NIPBL: variants seen among roughly 807,000 people sequenced by gnomAD.
NIPBL encodes NIPBL cohesin loading factor.
NIPBL carries 19 observed loss-of-function variants against 321.8 expected under a neutral mutation model. The observed-to-expected ratio is 0.06, with a 90% CI of 0.04 to 0.09. The LOEUF is 0.09. Ranked by LOEUF, NIPBL falls within the 10% of genes least tolerant of loss-of-function variation. The pLI is 1.00. For missense variants in NIPBL, 2,210 were observed against 3,327.0 expected (o/e 0.66, Z 8.26); for synonymous variants, 1,106 against 1,114.1 (o/e 0.99, Z 0.14).
chr5:36,950,740 A>G (rs1335148574), intron 1 of NIPBL, among the ~76,000 whole-genome samples: 6 of 152,254 alleles, frequency 3.9e-5, no homozygotes, highest in Middle Eastern at 3.4e-3. Flanking sequence ...GAAAAACAAT[A>G]TACTTTCACA....
chr5:36,999,718 A>C (rs1186046303), intron 11 of NIPBL, among the ~76,000 whole-genome samples: 3 of 151,522 alleles, frequency 2.0e-5, no homozygotes, highest in African/African-American at 7.4e-5. Flanking sequence ...TGAAGCGTGC[A>C]TAAGCTTAGA....
At chr5:36,917,763 C>T (rs1343365475) in intron 1 of NIPBL, among the ~76,000 whole-genome samples, 2 of 152,162 alleles carry the variant, frequency 1.3e-5, no homozygotes, top group Non-Finnish European at 2.9e-5. Context: ...TTTCCCAGCA[C>T]CATTTATTAA....
At chr5:36,886,290 G>A in intron 1 of NIPBL, 2 of 675,066 alleles carry the variant, frequency 3.0e-6, no homozygotes, top group Non-Finnish European at 5.4e-6. Context: ...AGGCCCAGGA[G>A]TACGAGACCA....
chr5:37,010,502 G>T (rs899991314), intron 21 of NIPBL, among the ~76,000 whole-genome samples: 8 of 152,084 alleles, frequency 5.3e-5, no homozygotes, highest in Non-Finnish European at 2.9e-5. Flanking sequence ...TTTTAGTAGA[G>T]ACGGGTTTTC....
At chr5:37,003,219 CTT>C in intron 15 of NIPBL, 40 bp from the exon 16 acceptor site, 1 of 1,153,430 alleles carries the variant, frequency 8.7e-7, no homozygotes, top group East Asian at 2.3e-5. Flanking sequence ...TAATATATAA[CTT>C]TTACCAACGA....
intron 42 of NIPBL, among the ~76,000 whole-genome samples, chr5:37,054,198 A>G (rs1753856531): frequency 6.6e-6 from 1 of 150,638 alleles, no homozygotes; most frequent in Non-Finnish European, 1.5e-5. Context: ...TCCGTCTCAA[A>G]AAAAAAAAAA....
At chr5:37,053,796 T>G (rs1288027433) in intron 42 of NIPBL, among the ~76,000 whole-genome samples, 3 of 152,252 alleles carry the variant, frequency 2.0e-5, no homozygotes, top group South Asian at 2.1e-4. Context: ...GCATCTGCTA[T>G]GTACCAGCCA....
chr5:36,876,789 G>A lies in NIPBL; in HGVS notation c.-469G>A. ...TCGGCATTTTGTTCTGAGAGGGAGAGACGGAACGAGAGAGAGACACACACA... is the reference window on the plus strand; with the variant it reads ...TCGGCATTTTGTTCTGAGAGGGAGAAACGGAACGAGAGAGAGACACACACA... On this transcript the variant is annotated 5_prime_UTR_variant, in exon 1 of 47. Coordinates refer to ENST00000282516, the MANE Select transcript of NIPBL (RefSeq NM_133433.4). 2.5e-6 allele frequency: 1 copy of A among 397,550 alleles called. No homozygotes were observed. 24.6% of individuals were successfully genotyped at this position (397,550 alleles called of 1,614,324 possible).
chr5:36,918,408 C>T (rs1252905349), intron 1 of NIPBL, among the ~76,000 whole-genome samples: 1 of 152,056 alleles, frequency 6.6e-6, no homozygotes, highest in African/African-American at 2.4e-5. Flanking sequence ...TGTTTATCAG[C>T]CTAAGGAGAT....
chr5:36,994,539 A>G (rs1363505782), intron 10 of NIPBL, among the ~76,000 whole-genome samples: 1 of 152,088 alleles, frequency 6.6e-6, no homozygotes, highest in Non-Finnish European at 1.5e-5. Context: ...GTTATAAAGG[A>G]TAGTGTTAAT....
chr5:37,046,783 G>T (rs909604601), intron 38 of NIPBL, among the ~76,000 whole-genome samples: 1 of 152,106 alleles, frequency 6.6e-6, no homozygotes, highest in Non-Finnish European at 1.5e-5. Flanking sequence ...TATCTAGGAA[G>T]GAATTAGAAT....
At chr5:36,902,496 A>G (rs539070716) in intron 1 of NIPBL, among the ~76,000 whole-genome samples, 1 of 152,310 alleles carries the variant, frequency 6.6e-6, no homozygotes, top group East Asian at 1.9e-4. Flanking sequence ...TTATTATTGA[A>G]TAGAGAGTCC....
At chr5:37,044,234 T>C in intron 34 of NIPBL, 113 bp from the exon 35 acceptor site, 4 of 944,700 alleles carry the variant, frequency 4.2e-6, no homozygotes, top group Non-Finnish European at 6.3e-6. Flanking sequence ...CTTTTTTTTT[T>C]AACTGGACCT....
At chr5:36,890,026 T>TTAATTACATTAATTACA in intron 1 of NIPBL, among the ~76,000 whole-genome samples, 1 of 152,122 alleles carries the variant, frequency 6.6e-6, no homozygotes, top group Admixed American at 6.5e-5. Context: ...ATGAATGTAA[T>TTAATTACATTAATTACA]TATGGTTAAA....
intron 4 of NIPBL, among the ~76,000 whole-genome samples, chr5:36,958,764 G>T (rs1158228533): frequency 6.6e-6 from 1 of 152,048 alleles, no homozygotes; most frequent in Non-Finnish European, 1.5e-5. Context: ...TGTAGTCATG[G>T]AGTACCTTTG....
intron 8 of NIPBL, among the ~76,000 whole-genome samples, chr5:36,974,597 A>G (rs2149626130): frequency 6.6e-6 from 1 of 152,308 alleles, no homozygotes; most frequent in Non-Finnish European, 1.5e-5. Context: ...GTGAATTGAT[A>G]TGTAAAGCAC....
intron 9 of NIPBL, among the ~76,000 whole-genome samples, chr5:36,979,205 T>G (rs1265908992): frequency 6.6e-6 from 1 of 152,026 alleles, no homozygotes; most frequent in Admixed American, 6.6e-5. Context: ...CAATATTGAT[T>G]CTTCCTATCC....
intron 1 of NIPBL, among the ~76,000 whole-genome samples, chr5:36,898,637 G>A (rs905437924): frequency 7.3e-5 from 11 of 150,770 alleles, no homozygotes; most frequent in Non-Finnish European, 1.2e-4. Context: ...TCAGCCTCCC[G>A]AATAGCTGGG....
At chr5:37,017,280 A>C (rs1580484300) in intron 24 of NIPBL, 118 bp downstream of exon 24, 1 of 1,048,026 alleles carries the variant, frequency 9.5e-7, no homozygotes, top group East Asian at 2.6e-5. Context: ...TTACTTCTAA[A>C]AGTGGGCTTT....
Sources: allele counts gnomAD v4.1 joint callset (sites outside exome capture counted in the v4.1 genomes callset), GRCh38; gene constraint gnomAD v4.1.1; transcripts MANE v1.5; gene names NCBI Gene and HGNC (gene_info 2026-07-23, HGNC 2026-07-21).